TBL1Y: variants seen among roughly 807,000 people sequenced by gnomAD.
TBL1Y encodes the protein F-box-like/WD repeat-containing protein TBL1Y.
Under a neutral mutation model 12.0 loss-of-function variants are expected in TBL1Y, and 15 were observed. The observed-to-expected ratio is 1.25, with a 90% CI of 0.83 to 1.92. The LOEUF is 1.92. Among genes scored for constraint, TBL1Y ranks in the 40% most tolerant of loss-of-function variants. The pLI, the probability that TBL1Y is intolerant of heterozygous loss-of-function variation, is 0.00. For missense variants in TBL1Y, 148 were observed against 116.7 expected (o/e 1.27, Z -1.24); for synonymous variants, 53 against 42.6 (o/e 1.24, Z -0.95).
intron 2 of TBL1Y, among the ~76,000 whole-genome samples, chrY:6,973,224 G>A: frequency 3.7e-4 from 12 of 32,858 alleles, no homozygotes; most frequent in Admixed American, 3.3e-3. Context: ...ACAGAGACTC[G>A]GCTCTTCCCT....
chrY:7,035,295 G>T, intron 6 of TBL1Y, among the ~76,000 whole-genome samples: 1 of 33,890 alleles, frequency 3.0e-5, no homozygotes, highest in Non-Finnish European at 7.4e-5. Flanking sequence ...TCATTAAAAA[G>T]GAAACAACAG....
Position 6,984,954 on chromosome Y carries a change from T to G in TBL1Y, c.-235+6711T>G, listed in dbSNP as rs368115287. On this transcript the variant is annotated intron_variant, in intron 3 of 18. Coordinates refer to ENST00000383032, the MANE Select transcript of TBL1Y (RefSeq NM_033284.2). The stretch of plus-strand genomic sequence containing the variant: ...TGGGAGGTCTAGGCAGAAGGATCCG[T>G]TGGGCCCAAGAATTTGAGAACAGGC... Among the ~76,000 whole-genome samples the G allele has an allele frequency of 6.8e-4, 23 of 33,672 alleles. No individual in the cohort carries two copies. The East Asian group carries it at 8.0e-3, about 12-fold the overall frequency. The allele number at this position is 33,672 out of a possible 37,273, so 90.3% of individuals were successfully genotyped here.
intron 2 of TBL1Y, among the ~76,000 whole-genome samples, chrY:6,971,905 C>T (rs997770756): frequency 8.9e-5 from 3 of 33,654 alleles, no homozygotes; most frequent in African/African-American, 3.5e-4. Context: ...CACTGAGCCC[C>T]GCAAAAGCCG....
chrY:6,977,267 G>C (rs2124125785), intron 2 of TBL1Y, among the ~76,000 whole-genome samples: 1 of 32,902 alleles, frequency 3.0e-5, no homozygotes, highest in East Asian at 8.1e-4. Flanking sequence ...GGGTTCTTTG[G>C]GGGTGGAAAA....
intron 3 of TBL1Y, among the ~76,000 whole-genome samples, chrY:6,988,551 T>C: frequency 1.6e-4 from 5 of 30,976 alleles, no homozygotes. Flanking sequence ...TCCCAGCTAC[T>C]TGGGAGGCTG....
At position 6,911,436 on chromosome Y, in the gene TBL1Y, G is replaced by C. The variant is rs2011692283; in HGVS notation, c.-351+454G>C. On this transcript the variant is annotated intron_variant, in intron 1 of 18. Coordinates refer to ENST00000383032, the MANE Select transcript of TBL1Y (RefSeq NM_033284.2). The stretch of plus-strand genomic sequence containing the variant: ...CCTTTCATCCACGGGACTCGGGCCG[G>C]CCTGCCCCGACCTGGGTGGAAGCGC... Among the ~76,000 whole-genome samples the C allele has an allele frequency of 1.4e-4, 5 of 34,585 alleles. No individual in the cohort carries two copies. In the East Asian group the frequency reaches 4.0e-3, roughly 28 times the overall value. 92.8% of individuals were successfully genotyped at this position (34,585 alleles called of 37,273 possible).
At chrY:7,022,956 C>G (rs2012590590) in intron 5 of TBL1Y, among the ~76,000 whole-genome samples, 1 of 29,257 alleles carries the variant, frequency 3.4e-5, no homozygotes, top group African/African-American at 1.4e-4. Context: ...GGGAGGGGGT[C>G]CTTTCTCTCA....
intron 7 of TBL1Y, among the ~76,000 whole-genome samples, chrY:7,062,533 C>G (rs779216743): frequency 3.0e-5 from 1 of 33,370 alleles, no homozygotes; most frequent in East Asian, 7.9e-4. Context: ...GGGGGGATAT[C>G]TTTGTTACCA....
chrY:6,985,637 G>T (rs2012312011), intron 3 of TBL1Y, among the ~76,000 whole-genome samples: 1 of 33,057 alleles, frequency 3.0e-5, no homozygotes. Context: ...TATTTACCTA[G>T]ATGACACCCC....
chrY:7,020,777 C>A (rs2012579380), intron 4 of TBL1Y, among the ~76,000 whole-genome samples: 1 of 33,466 alleles, frequency 3.0e-5, no homozygotes, highest in Non-Finnish European at 7.4e-5. Context: ...ACTGAAAAAT[C>A]AGTGCAAATG....
chrY:7,063,771 C>A, intron 7 of TBL1Y, 126 bp from the exon 8 acceptor site: 1 of 235,206 alleles, frequency 4.3e-6, no homozygotes, highest in Non-Finnish European at 7.0e-6. Context: ...CCCGTGGCCC[C>A]CTGGCTGCTG....
intron 7 of TBL1Y, among the ~76,000 whole-genome samples, chrY:7,045,754 A>G (rs2012754714): frequency 3.0e-5 from 1 of 33,399 alleles, no homozygotes; most frequent in Non-Finnish European, 7.4e-5. Context: ...CATTTGGTTA[A>G]AAGATATAAT....
chrY:7,011,356 T>G lies in TBL1Y; in HGVS notation c.-139-10093T>G. Among the ~76,000 whole-genome samples, 3 of 34,241 alleles carry G rather than the reference T, an allele frequency of 8.8e-5. No individual in the cohort carries two copies. The South Asian group carries it at 2.0e-3, about 22-fold the overall frequency. The allele number at this position is 34,241 out of a possible 37,273, so 91.9% of individuals were successfully genotyped here. A position where few individuals can be genotyped will look rare whatever the true frequency, so the allele number is the denominator to read the frequency against. The stretch of plus-strand genomic sequence containing the variant: ...ACCCCAATTGAGAACCACCTAAAAT[T>G]TCCCCAGTGAAACTGCATTACTTCT... On this transcript the variant is annotated intron_variant, in intron 4 of 18. Coordinates refer to ENST00000383032, the MANE Select transcript of TBL1Y (RefSeq NM_033284.2).
chrY:7,030,339 C>G, intron 6 of TBL1Y, among the ~76,000 whole-genome samples: 1 of 34,090 alleles, frequency 2.9e-5, no homozygotes, highest in Non-Finnish European at 7.3e-5. Context: ...GGGCTAATTT[C>G]ATGAATCTGT....
chrY:7,063,493 A>AAATTGGAATGAGTCAGGATGGAGTAGGT, intron 7 of TBL1Y, among the ~76,000 whole-genome samples: 2 of 32,523 alleles, frequency 6.1e-5, no homozygotes, highest in Non-Finnish European at 1.5e-4. Flanking sequence ...GCAGAGCAGA[A>AAATTGGAATGAGTCAGGATGGAGTAGGT]AATCGGAATG....
At chrY:7,088,479 G>A (rs2013153862) in intron 17 of TBL1Y, among the ~76,000 whole-genome samples, 1 of 32,169 alleles carries the variant, frequency 3.1e-5, no homozygotes, top group Admixed American at 2.9e-4. Context: ...TCCTCTCAGG[G>A]AAGGAAGGGA....
At chrY:6,968,967 C>A in intron 2 of TBL1Y, among the ~76,000 whole-genome samples, 1 of 32,280 alleles carries the variant, frequency 3.1e-5, no homozygotes, top group South Asian at 7.1e-4. Flanking sequence ...CTAAGGCAAA[C>A]ACAGACCATA....
intron 7 of TBL1Y, among the ~76,000 whole-genome samples, chrY:7,063,069 G>C: frequency 3.1e-5 from 1 of 32,546 alleles, no homozygotes; most frequent in Non-Finnish European, 7.5e-5. Context: ...CCTCGCACAG[G>C]GTGGGTTCTG....
At chrY:7,087,498 T>G in intron 17 of TBL1Y, 66 bp downstream of exon 17, 1 of 352,549 alleles carries the variant, frequency 2.8e-6, no homozygotes, top group East Asian at 1.1e-4. Context: ...TTCCAGTGTC[T>G]CTGGTTCAAA....
Sources: allele counts gnomAD v4.1 joint callset (sites outside exome capture counted in the v4.1 genomes callset), GRCh38; gene constraint gnomAD v4.1.1; transcripts MANE v1.5; gene names NCBI Gene and HGNC (gene_info 2026-07-23, HGNC 2026-07-21).